Variants in TRAF3IP1 observed in about 807,000 individuals in gnomAD.
TRAF3IP1 encodes the protein intraflagellar transport 54.
TRAF3IP1 carries 53 observed loss-of-function variants against 89.9 expected under a neutral mutation model. That is an observed-to-expected ratio of 0.59 (90% CI 0.47 to 0.74). The LOEUF (loss-of-function observed/expected upper bound fraction) is 0.74, where lower values mean the gene tolerates loss of function less well. Among genes scored for constraint, TRAF3IP1 ranks in the 30% least tolerant of loss-of-function variants. The pLI, the probability that TRAF3IP1 is intolerant of heterozygous loss-of-function variation, is 0.00. For synonymous variants in TRAF3IP1, 311 were observed against 322.1 expected, an observed-to-expected ratio of 0.97 and a Z score of 0.37; for missense variants, 806 against 866.1, an observed-to-expected ratio of 0.93 and a Z score of 0.87.
At position 238,400,779 on chromosome 2, in the gene TRAF3IP1, A is replaced by G. The variant is rs1360292631; in HGVS notation, c.*1860A>G. The G allele has an allele frequency of 2.0e-5, 3 of 152,230 alleles. No homozygotes were observed. Among genetic ancestry groups the G allele is most frequent in the Non-Finnish European group, 2.9e-5 (2 of 68,040 alleles). The allele number at this position is 152,230 out of a possible 1,614,324, so 9.4% of individuals were successfully genotyped here. ...ATGTGAATAGAGTTTGGGGGTTGCC[A>G]AAAATTGCATACATTGTATGTAAGT... On this transcript the variant is annotated 3_prime_UTR_variant, in exon 17 of 17. Coordinates refer to ENST00000373327, the MANE Select transcript of TRAF3IP1 (RefSeq NM_015650.4).
At chr2:238,346,208 C>T (rs926161955) in intron 9 of TRAF3IP1, among the ~76,000 whole-genome samples, 2 of 152,178 alleles carry the variant, frequency 1.3e-5, no homozygotes, top group Non-Finnish European at 2.9e-5. Context: ...GCCACCTGCT[C>T]TTGGTCCCCA....
chr2:238,337,337 G>T (rs555449257), intron 7 of TRAF3IP1, among the ~76,000 whole-genome samples: 2 of 152,310 alleles, frequency 1.3e-5, no homozygotes, highest in South Asian at 4.1e-4. Flanking sequence ...ATGCAGGTGT[G>T]TGAGTGGTGA....
At chr2:238,335,434 G>T (rs1032807246) in intron 7 of TRAF3IP1, among the ~76,000 whole-genome samples, 6 of 152,048 alleles carry the variant, frequency 3.9e-5, no homozygotes. Flanking sequence ...GGGCTTTTTT[G>T]TGTGTGGTGT....
At position 238,351,301 on chromosome 2, in the gene TRAF3IP1, T is replaced by TG. The variant is rs1699139743; in HGVS notation, c.1452-1523dup. Among the ~76,000 whole-genome samples the TG allele has an allele frequency of 6.6e-6, 1 of 151,146 alleles. No individual in the cohort carries two copies. Among genetic ancestry groups the TG allele is most frequent in the Admixed American group, 6.6e-5 (1 of 15,222 alleles). Reference sequence around the variant, plus strand: ...GTGAGAGTGGCGGGTCCAGGAGGACTGGGTGGGACCATGGGTTGGCAGCTG... The same window carrying TG: ...GTGAGAGTGGCGGGTCCAGGAGGACTGGGGTGGGACCATGGGTTGGCAGCTG... On this transcript the variant is annotated intron_variant, in intron 12 of 16. Transcript: ENST00000373327. This position sits in a 1 kb window ranked among gnomAD's most constrained non-coding sequence, Gnocchi z 5.2.
intron 3 of TRAF3IP1, among the ~76,000 whole-genome samples, chr2:238,326,294 T>A (rs1316951515): frequency 2.0e-5 from 3 of 152,182 alleles, no homozygotes; most frequent in Non-Finnish European, 4.4e-5. Flanking sequence ...TCTGGCTTTC[T>A]CCTTTCTGAG....
intron 13 of TRAF3IP1, 53 bp from the exon 14 acceptor site, chr2:238,353,120 T>G: frequency 1.2e-6 from 2 of 1,610,790 alleles, no homozygotes; most frequent in Non-Finnish European, 1.7e-6. Context: ...AAGCATGATC[T>G]TTAAAATTCA....
At chr2:238,320,830 C>T (rs1342482622) in intron 1 of TRAF3IP1, 45 bp downstream of exon 1, 5 of 1,334,694 alleles carry the variant, frequency 3.7e-6, no homozygotes, top group African/African-American at 3.1e-5. Context: ...GTCGGGATTC[C>T]GGTGGGCGCC....
rs756503806 is a variant in TRAF3IP1, at chr2:238,398,939, A to G, written c.*20A>G. 43 of 1,578,896 alleles carry G rather than the reference A, an allele frequency of 2.7e-5. No homozygotes were observed. The highest frequency in any genetic ancestry group is 1.7e-4 in the South Asian group (14 of 84,666). On this transcript the variant is annotated 3_prime_UTR_variant, in exon 17 of 17. Coordinates refer to ENST00000373327, the MANE Select transcript of TRAF3IP1 (RefSeq NM_015650.4). ...AGGTGAACACTCAAAAGTTTCAGAG[A>G]TGAAAAGTCACCTCAGTTTAAAAGC...
At chr2:238,332,977 A>G (rs1159504565) in intron 6 of TRAF3IP1, 82 bp downstream of exon 6, 3 of 1,026,898 alleles carry the variant, frequency 2.9e-6, no homozygotes, top group South Asian at 2.7e-5. Flanking sequence ...CCCCGGGTCC[A>G]CTGAGGCATG....
At position 238,351,277 on chromosome 2, in the gene TRAF3IP1, T is replaced by C. The variant is rs1699138606; in HGVS notation, c.1452-1550T>C. Among the ~76,000 whole-genome samples the C allele has an allele frequency of 6.6e-6, 1 of 151,878 alleles. No homozygotes were observed. Among genetic ancestry groups the C allele is most frequent in the South Asian group, 2.1e-4 (1 of 4,822 alleles). On this transcript the variant is annotated intron_variant, in intron 12 of 16. Transcript: ENST00000373327. This position sits in a 1 kb window ranked among gnomAD's most constrained non-coding sequence, Gnocchi z 5.2. ...ACAAGTAAGACAGGAGCACCGTTGG[T>C]GAGAGTGGCGGGTCCAGGAGGACTG...
chr2:238,355,745 A>T (rs1699377785), intron 14 of TRAF3IP1, among the ~76,000 whole-genome samples: 1 of 152,210 alleles, frequency 6.6e-6, no homozygotes, highest in Admixed American at 6.5e-5. Flanking sequence ...AAAATAGAAA[A>T]TCTATTTTAT....
intron 15 of TRAF3IP1, among the ~76,000 whole-genome samples, chr2:238,382,989 C>T (rs1574967369): frequency 6.6e-6 from 1 of 152,256 alleles, no homozygotes; most frequent in African/African-American, 2.4e-5. Context: ...CCCATAGGAT[C>T]AAGTCCGAAA....
intron 8 of TRAF3IP1, among the ~76,000 whole-genome samples, chr2:238,341,213 G>T (rs1698637264): frequency 1.3e-5 from 2 of 148,484 alleles, no homozygotes; most frequent in Admixed American, 1.3e-4. Context: ...TGTAGAGAGA[G>T]CATCTCACTT....
chr2:238,350,896 AAGG>A (rs1332071411), intron 12 of TRAF3IP1, among the ~76,000 whole-genome samples: 1 of 150,636 alleles, frequency 6.6e-6, no homozygotes, highest in Non-Finnish European at 1.5e-5. Flanking sequence ...GAGAGAAGGG[AAGG>A]AGTAGGAGTA....
intron 1 of TRAF3IP1, 106 bp downstream of exon 1, chr2:238,320,891 C>T: frequency 9.8e-7 from 1 of 1,022,298 alleles, no homozygotes; most frequent in Non-Finnish European, 1.2e-6. Context: ...GGCTCGGGCT[C>T]AGGTGCGGGT....
chr2:238,354,802 C>G (rs992681889), intron 14 of TRAF3IP1, among the ~76,000 whole-genome samples: 6 of 152,052 alleles, frequency 3.9e-5, no homozygotes, highest in African/African-American at 9.7e-5. Flanking sequence ...AGGCGCCCAC[C>G]ACCACACCCA....
chr2:238,341,555 A>C (rs1574913323), intron 8 of TRAF3IP1, among the ~76,000 whole-genome samples: 1 of 150,252 alleles, frequency 6.7e-6, no homozygotes, highest in Non-Finnish European at 1.5e-5. Flanking sequence ...TTAAAAAAAA[A>C]ACACTGGCTA....
intron 10 of TRAF3IP1, 90 bp downstream of exon 10, chr2:238,347,565 A>G: frequency 2.2e-6 from 3 of 1,333,406 alleles, no homozygotes; most frequent in Admixed American, 3.5e-5. Context: ...ATGCTTTATA[A>G]AGTGCATTAG....
At chr2:238,320,926 C>A in intron 1 of TRAF3IP1, 141 bp downstream of exon 1, 1 of 639,790 alleles carries the variant, frequency 1.6e-6, no homozygotes, top group South Asian at 7.3e-5. Context: ...GGGCCGGAGT[C>A]GGGGCCCGGG....
Sources: gnomAD v4.1 joint callset for allele counts (sites outside exome capture counted in the v4.1 genomes callset) on GRCh38, gnomAD v4.1.1 for gene constraint, Gnocchi (gnomAD v3.1) non-coding constraint, MANE v1.5 for transcripts, NCBI Gene and HGNC (gene_info 2026-07-23, HGNC 2026-07-21) for gene names.